The following ARHGAP32 variants were observed in gnomAD, a reference collection of about 807,000 sequenced individuals.
ARHGAP32 encodes rho GTPase-activating protein 32.
ARHGAP32 carries 51 observed loss-of-function variants against 186.5 expected under a neutral mutation model. That is an observed-to-expected ratio of 0.27 (90% confidence interval 0.22 to 0.35). ARHGAP32 has a LOEUF of 0.35. Ranked by LOEUF, ARHGAP32 falls within the 10% of genes least tolerant of loss-of-function variation. The pLI is 1.00. For missense variants in ARHGAP32, 2,186 were observed against 2,623.5 expected, an observed-to-expected ratio of 0.83 and a Z score of 3.64; for synonymous variants, 950 against 964.3, an observed-to-expected ratio of 0.99 and a Z score of 0.27.
intron 1 of ARHGAP32, among the ~76,000 whole-genome samples, chr11:129,181,675 T>G (rs887886750): frequency 6.6e-6 from 1 of 152,152 alleles, no homozygotes; most frequent in African/African-American, 2.4e-5. Context: ...ATGAGGACAG[T>G]TACATTGGTG....
intron 2 of ARHGAP32, among the ~76,000 whole-genome samples, chr11:129,142,012 T>G (rs1444564062): frequency 1.3e-5 from 2 of 150,956 alleles, no homozygotes; most frequent in Non-Finnish European, 3.0e-5. Flanking sequence ...AGCTAGGCAT[T>G]CATATTTATG....
rs1047731779 is a variant in ARHGAP32, at chr11:129,156,440, G to A, written c.225+7879C>T. ...TCCACCATTACCGAGGCTTGAACAG[G>A]CAATTTTCCCCTCACAATGTAAACA... On this transcript the variant is annotated intron_variant, in intron 2 of 22. Coordinates refer to ENST00000682385, the MANE Select transcript of ARHGAP32 (RefSeq NM_001378024.1). 2.6e-5 allele frequency among the ~76,000 whole-genome samples: 4 copies of A among 152,280 alleles called. No homozygotes were observed. In the South Asian group the frequency reaches 8.3e-4, roughly 32 times the overall value.
chr11:128,979,358 C>A (rs558542443), intron 18 of ARHGAP32, among the ~76,000 whole-genome samples: 1 of 152,256 alleles, frequency 6.6e-6, no homozygotes, highest in African/African-American at 2.4e-5. Context: ...ACTGTGCTAC[C>A]TGCCTTATAT....
chr11:129,236,478 T>C (rs913748325), intron 1 of ARHGAP32, among the ~76,000 whole-genome samples: 2 of 152,172 alleles, frequency 1.3e-5, no homozygotes, highest in Non-Finnish European at 2.9e-5. Context: ...TAGTCCTTTG[T>C]CTGATGTACA....
At chr11:129,060,175 C>A (rs1388068703) in intron 10 of ARHGAP32, among the ~76,000 whole-genome samples, 4 of 152,124 alleles carry the variant, frequency 2.6e-5, no homozygotes, top group Admixed American at 6.5e-5. Flanking sequence ...ATACACTTAG[C>A]ACACAATCAG....
chr11:129,174,046 G>C (rs1384851375), intron 1 of ARHGAP32, among the ~76,000 whole-genome samples: 1 of 152,238 alleles, frequency 6.6e-6, no homozygotes, highest in African/African-American at 2.4e-5. Context: ...CATCTCACTA[G>C]GGAGTGCCAG....
chr11:129,087,601 T>C (rs949611079), intron 6 of ARHGAP32, among the ~76,000 whole-genome samples: 3 of 152,170 alleles, frequency 2.0e-5, no homozygotes, highest in African/African-American at 4.8e-5. Flanking sequence ...AAGGGAAAGA[T>C]GAATCAGAGG....
chr11:129,078,463 A>C (rs2135208633), intron 6 of ARHGAP32, among the ~76,000 whole-genome samples: 1 of 152,260 alleles, frequency 6.6e-6, no homozygotes, highest in East Asian at 1.9e-4. Flanking sequence ...GAACTCTTTG[A>C]ATTGCAAGAA....
chr11:129,029,883 G>A (rs1939039807), intron 11 of ARHGAP32, among the ~76,000 whole-genome samples: 1 of 150,724 alleles, frequency 6.6e-6, no homozygotes, highest in Non-Finnish European at 1.5e-5. Context: ...AGCTCACAGG[G>A]TTGTGACCAG....
intron 1 of ARHGAP32, among the ~76,000 whole-genome samples, chr11:129,223,372 C>CT (rs58869405): frequency 2.6e-5 from 4 of 152,012 alleles, no homozygotes; most frequent in East Asian, 1.9e-4. Flanking sequence ...TTGAAGAGTG[C>CT]TTTTATTTGT....
At chr11:129,093,796 A>T (rs772953442) in intron 5 of ARHGAP32, 89 bp from the exon 6 acceptor site, 16 of 871,916 alleles carry the variant, frequency 1.8e-5, no homozygotes, top group Non-Finnish European at 3.0e-5. Context: ...CTGGAGCATC[A>T]TCTCCGGGTG....
intron 6 of ARHGAP32, among the ~76,000 whole-genome samples, chr11:129,087,911 G>A (rs1480658869): frequency 2.6e-5 from 4 of 152,110 alleles, no homozygotes; most frequent in African/African-American, 9.7e-5. Flanking sequence ...AAAATAAAAA[G>A]TTATTAATTT....
chr11:128,973,673 G>C (rs770429951), intron 21 of ARHGAP32: 50 of 559,894 alleles, frequency 8.9e-5, no homozygotes, highest in Non-Finnish European at 1.5e-4. Context: ...ACAGAGATGG[G>C]GGGGAAAAAA....
In ARHGAP32 at chr11:128,972,704, C is replaced by T. The variant is rs747183689; in HGVS notation, c.3802G>A (p.Glu1268Lys). The change falls in exon 22 of 23, where the codon GAG becomes AAG. Residue 1268 changes from glutamate to lysine, a missense_variant. Glu to Lys is a moderately conservative substitution (Grantham distance 56). Around this residue, in one of 5 missense-constraint regions of ARHGAP32, gnomAD observed 1,502 missense variants for 1,570.0 expected, o/e 0.96. Coordinates refer to ENST00000682385, the MANE Select transcript of ARHGAP32 (RefSeq NM_001378024.1). ...GTCATGGTGGCTGTGCTGGTATTCT[C>T]TTCGGGGGACCCAGAAGGAGGGTAG... ...KIYPPSGSPEENTSTATMTYM... is the reference protein window; with the variant it reads ...KIYPPSGSPEKNTSTATMTYM... The T allele has an allele frequency of 6.2e-7, 1 of 1,614,038 alleles. No individual in the cohort carries two copies. Among genetic ancestry groups the T allele is most frequent in the South Asian group, 1.1e-5 (1 of 91,068 alleles).
At chr11:129,089,431 C>T (rs1941511585) in intron 6 of ARHGAP32, among the ~76,000 whole-genome samples, 1 of 152,148 alleles carries the variant, frequency 6.6e-6, no homozygotes, top group Non-Finnish European at 1.5e-5. Context: ...TAAATCAAGT[C>T]CTAAAGACTG....
At chr11:129,265,362 G>C (rs1280339429) in intron 1 of ARHGAP32, among the ~76,000 whole-genome samples, 1 of 152,188 alleles carries the variant, frequency 6.6e-6, no homozygotes, top group East Asian at 1.9e-4. Flanking sequence ...TCTGTTGGGA[G>C]AGAAGAGAGA....
intron 1 of ARHGAP32, among the ~76,000 whole-genome samples, chr11:129,274,077 C>G (rs972467255): frequency 1.3e-5 from 2 of 151,676 alleles, no homozygotes; most frequent in Non-Finnish European, 2.9e-5. Context: ...TCTGAACATT[C>G]AGATTCATGT....
chr11:129,072,945 G>C (rs1271447803), intron 6 of ARHGAP32, among the ~76,000 whole-genome samples: 1 of 152,156 alleles, frequency 6.6e-6, no homozygotes, highest in Non-Finnish European at 1.5e-5. Flanking sequence ...GCTTCTTCAA[G>C]CTTTCCACTG....
At position 129,087,633 on chromosome 11, in the gene ARHGAP32, A is replaced by G. The variant is rs115371920; in HGVS notation, c.531+5988T>C. On this transcript the variant is annotated intron_variant, in intron 6 of 22. Transcript: ENST00000682385. ...GAGGGACACGGAGGATTTTTATAAT[A>G]CTATTCTGTATGATACTATACTGGT... Among the ~76,000 whole-genome samples, 188 of 152,282 alleles carry G rather than the reference A, an allele frequency of 1.2e-3. 1 individual carries two copies. The highest frequency in any genetic ancestry group is 4.1e-3 in the African/African-American group (172 of 41,560).
Sources: allele counts gnomAD v4.1 joint callset (sites outside exome capture counted in the v4.1 genomes callset), GRCh38; gene constraint gnomAD v4.1.1; regional missense constraint gnomAD v4.1.1; transcripts MANE v1.5; gene names NCBI Gene and HGNC (gene_info 2026-07-23, HGNC 2026-07-21).